LIPH: variants seen among roughly 807,000 people sequenced by gnomAD.
LIPH encodes the protein lipase member H.
LIPH carries 32 observed loss-of-function variants against 47.6 expected under a neutral mutation model. The observed-to-expected ratio is 0.67, with a 90% CI of 0.51 to 0.90. The LOEUF (loss-of-function observed/expected upper bound fraction) is 0.90. Among genes scored for constraint, LIPH ranks in the 40% least tolerant of loss-of-function variants. The pLI is 0.00. For synonymous variants in LIPH, 190 were observed against 195.6 expected (o/e 0.97, Z 0.24); for missense variants, 497 against 541.4 (o/e 0.92, Z 0.81).
At chr3:185,536,546 C>T (rs993187212) in intron 1 of LIPH, among the ~76,000 whole-genome samples, 7 of 152,114 alleles carry the variant, frequency 4.6e-5, no homozygotes, top group Admixed American at 4.6e-4. Context: ...ATCTTGGGGT[C>T]CTTGCCCATC....
Position 185,533,694 on chromosome 3 carries a change from G to C in LIPH, c.418-15C>G. The C allele has an allele frequency of 6.5e-7, 1 of 1,542,102 alleles. No individual in the cohort carries two copies. Among genetic ancestry groups the C allele is most frequent in the Non-Finnish European group, 9.0e-7 (1 of 1,114,280 alleles). On this transcript the variant is annotated splice_polypyrimidine_tract_variant and intron_variant, in intron 2 of 9. Transcript: ENST00000296252. ...GCTCCTTCTGCCTGGAATTTCAAGA[G>C]GTCCATCATTGTAAATTGTAAGGGG... is the stretch of plus-strand genomic sequence containing the variant.
chr3:185,542,886 A>G (rs1720756335), intron 1 of LIPH, among the ~76,000 whole-genome samples: 1 of 152,184 alleles, frequency 6.6e-6, no homozygotes, highest in East Asian at 1.9e-4. Context: ...CAAATACTGC[A>G]TGTTCTCACT....
intron 6 of LIPH, 69 bp downstream of exon 6, chr3:185,519,073 G>A (rs1237341116): frequency 7.6e-7 from 1 of 1,315,506 alleles, no homozygotes; most frequent in Non-Finnish European, 1.1e-6. Context: ...ACATGATAAA[G>A]TGGTTCTGGG....
chr3:185,541,308 A>G (rs1289501759), intron 1 of LIPH, among the ~76,000 whole-genome samples: 2 of 152,062 alleles, frequency 1.3e-5, no homozygotes, highest in Non-Finnish European at 2.9e-5. Context: ...TCCTTCCTTC[A>G]GAATATATAC....
intron 1 of LIPH, among the ~76,000 whole-genome samples, chr3:185,541,065 C>A (rs1208220111): frequency 6.6e-6 from 1 of 152,192 alleles, no homozygotes; most frequent in African/African-American, 2.4e-5. Flanking sequence ...ACACTTAATA[C>A]TTCTCCCCAC....
At chr3:185,533,713 T>C (rs750524831) in intron 2 of LIPH, 34 bp from the exon 3 acceptor site, 2 of 1,354,028 alleles carry the variant, frequency 1.5e-6, no homozygotes, top group South Asian at 2.3e-5. Flanking sequence ...TTGTAAATTG[T>C]AAGGGGCCAA....
intron 7 of LIPH, among the ~76,000 whole-genome samples, chr3:185,516,198 C>T (rs1258946635): frequency 6.6e-6 from 1 of 151,872 alleles, no homozygotes; most frequent in Non-Finnish European, 1.5e-5. Context: ...TTTGAGAGGC[C>T]AAGGCAGGCA....
chr3:185,527,443 A>G, intron 4 of LIPH, 41 bp downstream of exon 4: 1 of 1,311,252 alleles, frequency 7.6e-7, no homozygotes, highest in Non-Finnish European at 1.1e-6. Context: ...ACTCTTTAGG[A>G]GCCTGGCGGT....
At chr3:185,534,150 G>A (rs560343153) in intron 2 of LIPH, among the ~76,000 whole-genome samples, 1 of 152,304 alleles carries the variant, frequency 6.6e-6, no homozygotes, top group Non-Finnish European at 1.5e-5. Flanking sequence ...GAGGTCAGGA[G>A]ATCAAGACCA....
chr3:185,549,495 A>G (rs991173928), intron 1 of LIPH, among the ~76,000 whole-genome samples: 7 of 152,222 alleles, frequency 4.6e-5, no homozygotes, highest in African/African-American at 1.7e-4. Flanking sequence ...CTAGTTTTAC[A>G]GTTGCTATGG....
intron 3 of LIPH, among the ~76,000 whole-genome samples, chr3:185,527,896 G>T (rs1447803674): frequency 6.7e-6 from 1 of 150,168 alleles, no homozygotes; most frequent in Non-Finnish European, 1.5e-5. Context: ...TAAACGGGCG[G>T]TCCCCAGGAA....
chr3:185,535,177 C>T (rs1560167856), intron 1 of LIPH, 45 bp from the exon 2 acceptor site: 3 of 1,607,206 alleles, frequency 1.9e-6, no homozygotes, highest in African/African-American at 1.3e-5. Context: ...CTTTCCTTAG[C>T]TGGGCATCAA....
chr3:185,546,537 G>A (rs1182849706), intron 1 of LIPH, among the ~76,000 whole-genome samples: 1 of 151,980 alleles, frequency 6.6e-6, no homozygotes, highest in Non-Finnish European at 1.5e-5. Context: ...TGTGGCTCAC[G>A]CCTGTAATCC....
At chr3:185,533,545 A>C (rs1720402376) in intron 3 of LIPH, 26 bp downstream of exon 3, 1 of 1,484,950 alleles carries the variant, frequency 6.7e-7, no homozygotes. Context: ...CAGGCTACCA[A>C]CCCATGCCCA....
intron 4 of LIPH, among the ~76,000 whole-genome samples, chr3:185,526,614 AAAT>A (rs1423494983): frequency 6.3e-5 from 3 of 47,930 alleles, no homozygotes; most frequent in Non-Finnish European, 1.4e-4. Flanking sequence ...ATAAAAAATA[AAAT>A]AATAAAATAA....
At chr3:185,538,730 T>TA (rs60044515) in intron 1 of LIPH, among the ~76,000 whole-genome samples, 26 of 84,212 alleles carry the variant, frequency 3.1e-4, no homozygotes, top group East Asian at 2.2e-3. Context: ...TATATGTACA[T>TA]ATATATACAT....
chr3:185,539,406 G>A (rs1720631911), intron 1 of LIPH, among the ~76,000 whole-genome samples: 1 of 136,938 alleles, frequency 7.3e-6, no homozygotes. Context: ...GTTTCAGTCT[G>A]TTGCCCAGGC....
intron 4 of LIPH, among the ~76,000 whole-genome samples, chr3:185,525,760 C>T (rs985642124): frequency 6.6e-6 from 1 of 152,194 alleles, no homozygotes; most frequent in South Asian, 2.1e-4. Flanking sequence ...ATAAATTGCT[C>T]TATCCTACTC....
intron 3 of LIPH, among the ~76,000 whole-genome samples, chr3:185,529,446 G>A (rs1349036173): frequency 2.7e-5 from 4 of 146,972 alleles, no homozygotes; most frequent in African/African-American, 9.9e-5. Flanking sequence ...TGTGGGGGTA[G>A]GGGAGGAGAG....
Sources: gnomAD v4.1 joint callset for allele counts (sites outside exome capture counted in the v4.1 genomes callset) on GRCh38, gnomAD v4.1.1 for gene constraint, MANE v1.5 for transcripts, NCBI Gene and HGNC (gene_info 2026-07-23, HGNC 2026-07-21) for gene names.